Variants in ANKRD18A observed in about 807,000 individuals in gnomAD.
ANKRD18A encodes ankyrin repeat domain 18A, also known as ankyrin repeat domain-containing protein 18A.
Under a neutral mutation model 110.6 loss-of-function variants are expected in ANKRD18A, and 72 were observed. That is an observed-to-expected ratio of 0.65 (90% confidence interval 0.54 to 0.79). ANKRD18A has a LOEUF of 0.79. Among genes scored for constraint, ANKRD18A ranks in the 30% least tolerant of loss-of-function variants. The probability of loss-of-function intolerance (pLI) is 0.00; values close to 1 mark genes in which losing one functional copy is unlikely to be tolerated. For synonymous variants in ANKRD18A, 305 were observed against 410.3 expected, an observed-to-expected ratio of 0.74 and a Z score of 3.10; for missense variants, 934 against 1,163.3, an observed-to-expected ratio of 0.80 and a Z score of 2.87.
chr9:38,615,430 C>T (rs1006041601), intron 3 of ANKRD18A, among the ~76,000 whole-genome samples, 164 bp downstream of exon 3: 12 of 152,176 alleles, frequency 7.9e-5, no homozygotes, highest in Non-Finnish European at 1.6e-4. Flanking sequence ...TAGCTGTGCC[C>T]TCTAATGCTT....
intron 15 of ANKRD18A, among the ~76,000 whole-genome samples, chr9:38,573,775 T>C (rs549877389): frequency 6.6e-6 from 1 of 152,362 alleles, no homozygotes; most frequent in East Asian, 1.9e-4. Context: ...ATGAATGCAT[T>C]GCTTTGAAAT....
chr9:38,590,362 A>G (rs1824592761), intron 10 of ANKRD18A, among the ~76,000 whole-genome samples: 1 of 151,664 alleles, frequency 6.6e-6, no homozygotes, highest in Non-Finnish European at 1.5e-5. Flanking sequence ...GGTTCAAGTG[A>G]TTCTCCTGCC....
intron 13 of ANKRD18A, 130 bp downstream of exon 13, chr9:38,577,737 T>A (rs1823962851): frequency 9.3e-7 from 1 of 1,079,806 alleles, no homozygotes; most frequent in Middle Eastern, 3.2e-4. Flanking sequence ...ACTTTTTTTC[T>A]AGAACTCTAC....
At chr9:38,615,343 G>A (rs889863348) in intron 3 of ANKRD18A, among the ~76,000 whole-genome samples, 1 of 151,966 alleles carries the variant, frequency 6.6e-6, no homozygotes, top group South Asian at 2.1e-4. Context: ...AATACACCTG[G>A]GGTAGGAAAC....
At position 38,577,965 on chromosome 9, in the gene ANKRD18A, T is replaced by C; in HGVS notation, c.2431A>G (p.Lys811Glu). 6.3e-7 allele frequency: 1 copy of C among 1,582,352 alleles called. No individual in the cohort carries two copies. Among genetic ancestry groups the C allele is most frequent in the Non-Finnish European group, 8.6e-7 (1 of 1,161,282 alleles). The change falls in exon 13 of 16, where the codon AAA becomes GAA. Residue 811 changes from lysine to glutamate, a missense_variant. Lys to Glu is a moderately conservative substitution (Grantham distance 56, BLOSUM62 1). Transcript: ENST00000399703. Reference protein sequence around the residue: ...EVLNLKTHMEKDMVELGKLQE... With the variant: ...EVLNLKTHMEEDMVELGKLQE... ...AGTTTACCAAGTTCTACCATATCTTTTTCCATATGTGTCTTAAGATTTAAT... is the reference window on the plus strand; with the variant it reads ...AGTTTACCAAGTTCTACCATATCTTCTTCCATATGTGTCTTAAGATTTAAT...
Position 38,620,567 on chromosome 9 carries a change from A to C in ANKRD18A, c.-282T>G. 1.9e-6 allele frequency: 2 copies of C among 1,047,780 alleles called. No homozygotes were observed. The highest frequency in any genetic ancestry group is 1.2e-6 in the Non-Finnish European group (1 of 812,118). The allele number at this position is 1,047,780 out of a possible 1,614,324, so 64.9% of individuals were successfully genotyped here. ...GCTAAGCCGTTAGGCGCGCGCCTGA[A>C]CCTCAGCGCTCCGAACTCTCAGACC... On this transcript the variant is annotated 5_prime_UTR_variant, in exon 1 of 16. Coordinates refer to ENST00000399703, the MANE Select transcript of ANKRD18A (RefSeq NM_147195.4).
intron 6 of ANKRD18A, 114 bp downstream of exon 6, chr9:38,607,312 C>T (rs1471184919): frequency 8.7e-6 from 7 of 808,016 alleles, no homozygotes; most frequent in Non-Finnish European, 1.0e-5. Flanking sequence ...CCGCCTCGGC[C>T]TCCCAAAGTG....
At chr9:38,601,062 AT>A in intron 8 of ANKRD18A, 68 bp downstream of exon 8, 1 of 1,411,894 alleles carries the variant, frequency 7.1e-7, no homozygotes, top group South Asian at 1.3e-5. Context: ...CATTTGGCCT[AT>A]GCTATGTTAT....
At chr9:38,604,634 T>C (rs1176596870) in intron 6 of ANKRD18A, among the ~76,000 whole-genome samples, 1 of 150,552 alleles carries the variant, frequency 6.6e-6, no homozygotes. Context: ...CAGGATAAGA[T>C]CTACTCATTT....
At chr9:38,567,653 C>A (rs566363051), downstream of ANKRD18A, 2 of 152,458 alleles carry the variant, frequency 1.3e-5, no homozygotes, top group African/African-American at 4.8e-5. Flanking sequence ...AGGATGATGA[C>A]CTGGTGTCCC....
At chr9:38,594,442 G>A (rs913281205) in intron 9 of ANKRD18A, among the ~76,000 whole-genome samples, 40 of 152,056 alleles carry the variant, frequency 2.6e-4, no homozygotes, top group Non-Finnish European at 5.1e-4. Flanking sequence ...ATATCCAAAT[G>A]ATAGTCATTG....
chr9:38,614,320 T>C (rs1271513349), intron 3 of ANKRD18A, among the ~76,000 whole-genome samples: 1 of 148,496 alleles, frequency 6.7e-6, no homozygotes, highest in Non-Finnish European at 1.5e-5. Context: ...TTAGCCAGGA[T>C]GGTCTCCATC....
At chr9:38,587,600 A>C (rs535196022) in intron 11 of ANKRD18A, among the ~76,000 whole-genome samples, 32 of 152,340 alleles carry the variant, frequency 2.1e-4, no homozygotes, top group African/African-American at 7.7e-4. Flanking sequence ...AATACAAGCT[A>C]TATATCAAGA....
chr9:38,588,469 TG>T (rs1330278179), intron 11 of ANKRD18A, 81 bp downstream of exon 11: 2 of 912,060 alleles, frequency 2.2e-6, no homozygotes, highest in African/African-American at 1.8e-5. Flanking sequence ...AAAATGGATT[TG>T]TATCAAAGTT....
Position 38,620,395 on chromosome 9 carries a change from TC to T in ANKRD18A, c.-111del, listed in dbSNP as rs919489866. The T allele has an allele frequency of 3.5e-5, 32 of 909,588 alleles. No homozygotes were observed. The highest frequency in any genetic ancestry group is 5.5e-5 in the South Asian group (3 of 54,480). 56.3% of individuals were successfully genotyped at this position (909,588 alleles called of 1,614,324 possible). Reference sequence around the variant, plus strand: ...CCGCGATCTCCCCCGCAACCCGCGATCCCCCCCGCAACCCGCGATCCACCCC... The same window carrying T: ...CCGCGATCTCCCCCGCAACCCGCGATCCCCCCGCAACCCGCGATCCACCCC... On this transcript the variant is annotated 5_prime_UTR_variant, in exon 1 of 16. Coordinates refer to ENST00000399703, the MANE Select transcript of ANKRD18A (RefSeq NM_147195.4).
intron 1 of ANKRD18A, among the ~76,000 whole-genome samples, chr9:38,617,430 ACT>A (rs968011611): frequency 6.6e-5 from 10 of 152,164 alleles, no homozygotes; most frequent in African/African-American, 2.2e-4. Context: ...ACAGAGTGAG[ACT>A]CTGTCGCAAA....
chr9:38,620,560 C>G lies in ANKRD18A; in HGVS notation c.-275G>C. On this transcript the variant is annotated 5_prime_UTR_variant, in exon 1 of 16. Transcript: ENST00000399703. ...GAGCCCAGCTAAGCCGTTAGGCGCG[C>G]GCCTGAACCTCAGCGCTCCGAACTC... 1 of 1,180,654 alleles carries G rather than the reference C, an allele frequency of 8.5e-7. No individual in the cohort carries two copies. The highest frequency in any genetic ancestry group is 1.6e-5 in the African/African-American group (1 of 62,430). 73.1% of individuals were successfully genotyped at this position (1,180,654 alleles called of 1,614,324 possible). A position where few individuals can be genotyped will look rare whatever the true frequency, so the allele number is the denominator to read the frequency against.
At chr9:38,604,694 A>C (rs1825275796) in intron 6 of ANKRD18A, among the ~76,000 whole-genome samples, 1 of 151,770 alleles carries the variant, frequency 6.6e-6, no homozygotes, top group Non-Finnish European at 1.5e-5. Flanking sequence ...CACAGGTAAA[A>C]CAACAACAAA....
In ANKRD18A at chr9:38,596,109, T is replaced by C. The variant is rs1311502991; in HGVS notation, c.1231A>G (p.Asn411Asp). The C allele has an allele frequency of 6.4e-7, 1 of 1,551,306 alleles. No homozygotes were observed. Reference sequence around the variant, plus strand: ...ACTTCAGCTTCTAGTCTTTCTTTGTTGTGTTTTTCCTTCTCCAATTCTGAA... The same window carrying C: ...ACTTCAGCTTCTAGTCTTTCTTTGTCGTGTTTTTCCTTCTCCAATTCTGAA... ...LNSELEKEKHNKERLEAEVES... is the reference protein window; with the variant it reads ...LNSELEKEKHDKERLEAEVES... The change falls in exon 9 of 16, where the codon AAC (asparagine) becomes GAC (aspartate). Residue 411 changes from asparagine (N) to aspartate (D), a missense_variant. Around this residue, in one of 4 missense-constraint regions of ANKRD18A, gnomAD observed 630 missense variants for 797.5 expected, o/e 0.79. Coordinates refer to ENST00000399703, the MANE Select transcript of ANKRD18A (RefSeq NM_147195.4).
Sources: gnomAD v4.1 joint callset for allele counts (sites outside exome capture counted in the v4.1 genomes callset) on GRCh38, gnomAD v4.1.1 for gene constraint, gnomAD v4.1.1 regional missense constraint, MANE v1.5 for transcripts, NCBI Gene and HGNC (gene_info 2026-07-23, HGNC 2026-07-21) for gene names.